The following DSCAML1 variants were observed in gnomAD, a reference collection of about 807,000 sequenced individuals.
The protein encoded by DSCAML1 is DS cell adhesion molecule like 1.
DSCAML1 carries 38 observed loss-of-function variants against 200.5 expected under a neutral mutation model. The observed-to-expected ratio is 0.19, with a 90% CI of 0.15 to 0.25. DSCAML1 has a LOEUF of 0.25. DSCAML1 is among the 10% of genes least tolerant of loss of function. The pLI is 1.00. For synonymous variants in DSCAML1, 1,215 were observed against 1,165.0 expected, an observed-to-expected ratio of 1.04 and a Z score of -0.87; for missense variants, 2,223 against 2,858.8, an observed-to-expected ratio of 0.78 and a Z score of 5.07.
rs78385717 is a variant in DSCAML1 at position 117,509,833 on chromosome 11, C to T, written c.1784-4101G>A. On this transcript the variant is annotated intron_variant, in intron 8 of 32. Coordinates refer to ENST00000651296, the MANE Select transcript of DSCAML1 (RefSeq NM_020693.4). Reference sequence around the variant, plus strand: ...TCCTCCCGGAGGTGGGGTCTGACCCCCTGCACCCTGGTGATGACCTGGGCC... The same window carrying T: ...TCCTCCCGGAGGTGGGGTCTGACCCTCTGCACCCTGGTGATGACCTGGGCC... 6.6e-3 allele frequency among the ~76,000 whole-genome samples: 1,000 copies of T among 152,354 alleles called. 10 individuals carry two copies. Among genetic ancestry groups the T allele is most frequent in the South Asian group, 0.033 (158 of 4,826 alleles).
chr11:117,507,175 T>C (rs1397250814), intron 8 of DSCAML1, among the ~76,000 whole-genome samples: 1 of 152,214 alleles, frequency 6.6e-6, no homozygotes, highest in Non-Finnish European at 1.5e-5. Context: ...GAGAAGGAGA[T>C]AGACAATTAG....
At chr11:117,558,260 C>T (rs1325546056) in intron 3 of DSCAML1, among the ~76,000 whole-genome samples, 3 of 152,136 alleles carry the variant, frequency 2.0e-5, no homozygotes, top group African/African-American at 7.2e-5. Context: ...TTTCACGAAA[C>T]GTGAGCAAGT....
In DSCAML1 at chr11:117,569,583, C is replaced by T. The variant is rs534058973; in HGVS notation, c.512-37061G>A. Among the ~76,000 whole-genome samples, 5 of 152,300 alleles carry T rather than the reference C, an allele frequency of 3.3e-5. No individual in the cohort carries two copies. The South Asian group carries it at 1.0e-3, about 32-fold the overall frequency. On this transcript the variant is annotated intron_variant, in intron 3 of 32. Transcript: ENST00000651296. Reference sequence around the variant, plus strand: ...CTGCCAAGCCCTGCCTACTTCCTTTCTATTACACCAAGCCACTTCCCTCAT... The same window carrying T: ...CTGCCAAGCCCTGCCTACTTCCTTTTTATTACACCAAGCCACTTCCCTCAT...
Position 117,518,677 on chromosome 11 carries a change from G to T in DSCAML1, c.1299C>A (p.Gly433=). ...CCCAGGTGACCGTGGGGGGCGGGGC[G>T]CCCTTGGCCGCACACATCAGTGAGA... is the stretch of plus-strand genomic sequence containing the variant. ...EQFSLMCAAK[G]APPPTVTWAL... Residue 433 remains glycine (G), a synonymous_variant, in exon 7 of 33, where the codon GGC becomes GGA. Coordinates refer to ENST00000651296, the MANE Select transcript of DSCAML1 (RefSeq NM_020693.4). The surrounding 1 kb of genome is among the most constrained non-coding windows in gnomAD (Gnocchi z 6.3). 6.2e-7 allele frequency: 1 copy of T among 1,613,166 alleles called. No individual in the cohort carries two copies. The highest frequency in any genetic ancestry group is 8.5e-7 in the Non-Finnish European group (1 of 1,179,946).
chr11:117,585,727 A>G (rs1332772374), intron 3 of DSCAML1, among the ~76,000 whole-genome samples: 1 of 152,136 alleles, frequency 6.6e-6, no homozygotes, highest in African/African-American at 2.4e-5. Flanking sequence ...CTGGCTGAGG[A>G]GGGTGGGAGA....
chr11:117,543,048 G>A (rs766429619), intron 3 of DSCAML1, among the ~76,000 whole-genome samples: 3 of 152,222 alleles, frequency 2.0e-5, no homozygotes, highest in Non-Finnish European at 2.9e-5. Flanking sequence ...CACTAGCCAG[G>A]GCCACAGTAG....
intron 3 of DSCAML1, among the ~76,000 whole-genome samples, chr11:117,647,676 G>C (rs979753042): frequency 6.6e-6 from 1 of 152,128 alleles, no homozygotes; most frequent in African/African-American, 2.4e-5. Context: ...GGGATGAGGA[G>C]GGAGACTCAC....
At chr11:117,456,591 A>G (rs1268838502) in intron 19 of DSCAML1, among the ~76,000 whole-genome samples, 1 of 152,004 alleles carries the variant, frequency 6.6e-6, no homozygotes, top group Non-Finnish European at 1.5e-5. Context: ...ATTCTGGATG[A>G]GACGTCATCT....
intron 3 of DSCAML1, among the ~76,000 whole-genome samples, chr11:117,748,613 C>A (rs890118168): frequency 6.6e-6 from 1 of 152,174 alleles, no homozygotes; most frequent in Non-Finnish European, 1.5e-5. Context: ...GGGGCTCAGT[C>A]CTCTTTCGCC....
At chr11:117,566,681 A>C (rs1176898010) in intron 3 of DSCAML1, among the ~76,000 whole-genome samples, 48 of 149,412 alleles carry the variant, frequency 3.2e-4, no homozygotes, top group African/African-American at 1.2e-3. Context: ...GCACCCACTA[A>C]CTCATCATCT....
chr11:117,715,644 C>T (rs931348669), intron 3 of DSCAML1, among the ~76,000 whole-genome samples: 2 of 152,160 alleles, frequency 1.3e-5, no homozygotes, highest in Non-Finnish European at 2.9e-5. Context: ...AACAGCCCCT[C>T]CACAAAGTGT....
intron 3 of DSCAML1, among the ~76,000 whole-genome samples, chr11:117,672,425 T>C (rs145041512): frequency 9.2e-5 from 14 of 151,878 alleles, no homozygotes; most frequent in African/African-American, 3.4e-4. Flanking sequence ...GCTTTCCTAT[T>C]AGCAAAGATT....
intron 3 of DSCAML1, among the ~76,000 whole-genome samples, chr11:117,550,369 G>T (rs1420822128): frequency 6.6e-6 from 1 of 152,168 alleles, no homozygotes. Context: ...AACCTAGATT[G>T]TGTGACTCCA....
intron 4 of DSCAML1, among the ~76,000 whole-genome samples, chr11:117,531,180 G>C (rs2050070792): frequency 6.6e-6 from 1 of 152,184 alleles, no homozygotes; most frequent in African/African-American, 2.4e-5. Context: ...TGTGACCTCA[G>C]CATGGGTATG....
intron 18 of DSCAML1, among the ~76,000 whole-genome samples, chr11:117,459,293 G>C (rs2048434094): frequency 6.6e-6 from 1 of 152,232 alleles, no homozygotes; most frequent in Non-Finnish European, 1.5e-5. Flanking sequence ...GGATGGAGGA[G>C]GTCCCGTGCA....
chr11:117,432,325 G>T lies in DSCAML1; in HGVS notation c.5179+27C>A. 1.9e-6 allele frequency: 3 copies of T among 1,598,848 alleles called. No individual in the cohort carries two copies. In the South Asian group the frequency reaches 3.4e-5, roughly 18 times the overall value. ...CCCAAGCCACCCCGGTTGGGAAAAGGGCTGTCTCCCTGGGGATAATGCGTA... is the reference window on the plus strand; with the variant it reads ...CCCAAGCCACCCCGGTTGGGAAAAGTGCTGTCTCCCTGGGGATAATGCGTA... On this transcript the variant is annotated intron_variant, in intron 30 of 32. Transcript: ENST00000651296.
At chr11:117,712,820 G>A (rs936532017) in intron 3 of DSCAML1, among the ~76,000 whole-genome samples, 2 of 151,860 alleles carry the variant, frequency 1.3e-5, no homozygotes, top group East Asian at 1.9e-4. Flanking sequence ...TGTGTCTTCC[G>A]CTCCTCCTTG....
chr11:117,722,243 T>C (rs1312564129), intron 3 of DSCAML1, among the ~76,000 whole-genome samples: 1 of 151,482 alleles, frequency 6.6e-6, no homozygotes, highest in Non-Finnish European at 1.5e-5. Flanking sequence ...CCAGCTGAAA[T>C]GTATTTCTCT....
rs1430840890 is a variant in DSCAML1, at chr11:117,505,477, C to T, written c.2039G>A (p.Arg680Gln). The T allele has an allele frequency of 5.6e-6, 9 of 1,611,856 alleles. No homozygotes were observed. Among genetic ancestry groups the T allele is most frequent in the South Asian group, 2.2e-5 (2 of 91,056 alleles). ...IASNAAATVSRERQLIVRVPP... is the reference protein window; with the variant it reads ...IASNAAATVSQERQLIVRVPP... ...ACCACGCACGATGAGCTGGCGCTCC[C>T]GGCTCACGGTGGCGGCTGCGTTGCT... Residue 680 changes from arginine (R) to glutamine (Q), a missense_variant, in exon 9 of 33, where the codon CGG (arginine) becomes CAG (glutamine). By Grantham distance (43) the Arg-to-Gln change is conservative (BLOSUM62 1). This residue lies in a region of DSCAML1 where 212 missense variants were observed against 368.0 expected (regional missense o/e 0.58). Transcript: ENST00000651296. The surrounding 1 kb of genome is among the most constrained non-coding windows in gnomAD (Gnocchi z 6.7).
Sources: gnomAD v4.1 joint callset for allele counts (sites outside exome capture counted in the v4.1 genomes callset) on GRCh38, gnomAD v4.1.1 for gene constraint, gnomAD v4.1.1 regional missense constraint, Gnocchi (gnomAD v3.1) non-coding constraint, MANE v1.5 for transcripts, NCBI Gene and HGNC (gene_info 2026-07-23, HGNC 2026-07-21) for gene names.